Variants in HDAC9 observed in about 807,000 individuals in gnomAD.
HDAC9 encodes the protein MEF-2 interacting transcription repressor (MITR) protein.
In HDAC9, 41 loss-of-function variants were observed where a neutral mutation model predicts 139.4. The observed-to-expected ratio is 0.29, with a 90% CI of 0.23 to 0.38. The LOEUF is 0.38. Among genes scored for constraint, HDAC9 ranks in the 10% least tolerant of loss-of-function variants. The pLI, the probability that HDAC9 is intolerant of heterozygous loss-of-function variation, is 1.00. For missense variants in HDAC9, 1,147 were observed against 1,297.0 expected, an observed-to-expected ratio of 0.88 and a Z score of 1.78; for synonymous variants, 517 against 476.2, an observed-to-expected ratio of 1.09 and a Z score of -1.12.
In HDAC9 at chr7:18,793,471, T is replaced by C. The variant is rs1048990970; in HGVS notation, c.2322+19T>C. ...GCTGAAGGTGAGGTCCGGGTTGCAT[T>C]AAGTGTGGGAAATCCAGAGAAGAAA... On this transcript the variant is annotated intron_variant, in intron 17 of 25. Transcript: ENST00000686413. 12 of 1,440,386 alleles carry C rather than the reference T, an allele frequency of 8.3e-6. No individual in the cohort carries two copies. The highest frequency in any genetic ancestry group is 1.2e-5 in the Non-Finnish European group (12 of 1,042,950). The allele number at this position is 1,440,386 out of a possible 1,614,324, so 89.2% of individuals were successfully genotyped here.
chr7:18,533,954 A>C (rs528665681), intron 2 of HDAC9, among the ~76,000 whole-genome samples: 31 of 152,256 alleles, frequency 2.0e-4, no homozygotes, highest in African/African-American at 6.7e-4. Context: ...TTTTCATCAA[A>C]GTGCACCGTT....
At chr7:18,585,846 G>A (rs915178311) in intron 3 of HDAC9, among the ~76,000 whole-genome samples, 4 of 151,912 alleles carry the variant, frequency 2.6e-5, no homozygotes, top group Non-Finnish European at 4.4e-5. Flanking sequence ...AGAAGCATGA[G>A]CCTAGAAGAC....
chr7:18,262,862 C>T (rs1795768347), intron 2 of HDAC9, among the ~76,000 whole-genome samples: 1 of 151,586 alleles, frequency 6.6e-6, no homozygotes, highest in Non-Finnish European at 1.5e-5. Context: ...AAAATGCATA[C>T]TAATAGAAAT....
intron 14 of HDAC9, among the ~76,000 whole-genome samples, chr7:18,752,259 C>T (rs1465506657): frequency 1.3e-5 from 2 of 151,996 alleles, no homozygotes; most frequent in Non-Finnish European, 2.9e-5. Flanking sequence ...GGTATTTAGG[C>T]TAGTTGAAAG....
chr7:18,934,961 T>C (rs555160858), intron 22 of HDAC9, among the ~76,000 whole-genome samples: 30 of 152,086 alleles, frequency 2.0e-4, no homozygotes, highest in Non-Finnish European at 4.3e-4. Flanking sequence ...AATGGCCTAC[T>C]AGACAGCAAA....
At chr7:18,252,055 C>G (rs1384353607) in intron 2 of HDAC9, among the ~76,000 whole-genome samples, 1 of 152,064 alleles carries the variant, frequency 6.6e-6, no homozygotes, top group Non-Finnish European at 1.5e-5. Flanking sequence ...TGTCAGTAAG[C>G]TAGTCTTGAG....
intron 22 of HDAC9, among the ~76,000 whole-genome samples, chr7:18,932,457 C>G (rs957976827): frequency 2.6e-5 from 4 of 151,962 alleles, no homozygotes; most frequent in Non-Finnish European, 5.9e-5. Flanking sequence ...TGGTTGACTT[C>G]CAAAAGATAG....
At chr7:18,500,196 A>G (rs1798011396) in intron 2 of HDAC9, among the ~76,000 whole-genome samples, 1 of 152,172 alleles carries the variant, frequency 6.6e-6, no homozygotes, top group East Asian at 1.9e-4. Flanking sequence ...AAGAAAATCC[A>G]ATAAAACCCC....
At chr7:18,955,930 G>A (rs766117742) in intron 24 of HDAC9, among the ~76,000 whole-genome samples, 18 of 152,090 alleles carry the variant, frequency 1.2e-4, no homozygotes, top group African/African-American at 3.1e-4. Context: ...ATAAAAAGGC[G>A]TAATTTCTGT....
At chr7:18,720,881 A>G (rs1440784634) in intron 12 of HDAC9, among the ~76,000 whole-genome samples, 1 of 151,910 alleles carries the variant, frequency 6.6e-6, no homozygotes, top group African/African-American at 2.4e-5. Flanking sequence ...GGGTCTCCCT[A>G]TTTTGCCCAG....
At chr7:18,668,497 G>A (rs1562833896) in intron 12 of HDAC9, 2 of 978,722 alleles carry the variant, frequency 2.0e-6, no homozygotes, top group African/African-American at 1.8e-5. Context: ...GCAGACTTTT[G>A]TATAATATTA....
At chr7:18,183,185 A>G (rs542761158) in intron 2 of HDAC9, among the ~76,000 whole-genome samples, 6 of 151,822 alleles carry the variant, frequency 4.0e-5, no homozygotes, top group Non-Finnish European at 7.4e-5. Context: ...AATTTTTTGT[A>G]TTTTTAGTAG....
At chr7:18,140,752 A>G (rs1562666307) in intron 1 of HDAC9, among the ~76,000 whole-genome samples, 1 of 152,124 alleles carries the variant, frequency 6.6e-6, no homozygotes, top group South Asian at 2.1e-4. Flanking sequence ...ATACACATAT[A>G]TAGAATACAT....
intron 2 of HDAC9, among the ~76,000 whole-genome samples, chr7:18,187,608 C>A (rs1489256633): frequency 6.6e-6 from 1 of 152,132 alleles, no homozygotes; most frequent in Non-Finnish European, 1.5e-5. Flanking sequence ...ATTTTTGTTG[C>A]CAACCTTTTG....
chr7:18,727,489 C>G, intron 12 of HDAC9, 91 bp from the exon 13 acceptor site: 1 of 1,063,424 alleles, frequency 9.4e-7, no homozygotes, highest in Non-Finnish European at 1.3e-6. Context: ...TGTCTCTGAC[C>G]TGATGAACTT....
At chr7:18,311,684 A>G (rs1281942056) in intron 1 of HDAC9, among the ~76,000 whole-genome samples, 1 of 152,120 alleles carries the variant, frequency 6.6e-6, no homozygotes, top group Non-Finnish European at 1.5e-5. Flanking sequence ...CAGCTCCTTC[A>G]TATTCTACTA....
intron 14 of HDAC9, among the ~76,000 whole-genome samples, chr7:18,756,415 A>G (rs912345994): frequency 2.6e-5 from 4 of 152,188 alleles, no homozygotes; most frequent in Non-Finnish European, 4.4e-5. Flanking sequence ...TTATTTTTCA[A>G]TTATGATTAA....
At chr7:18,834,350 G>T (rs1481663805) in intron 19 of HDAC9, among the ~76,000 whole-genome samples, 1 of 150,666 alleles carries the variant, frequency 6.6e-6, no homozygotes, top group African/African-American at 2.4e-5. Context: ...TTTTTGGTCA[G>T]AAGATATTAT....
intron 2 of HDAC9, among the ~76,000 whole-genome samples, chr7:18,266,804 A>G (rs1321746902): frequency 1.3e-5 from 2 of 152,288 alleles, no homozygotes; most frequent in African/African-American, 2.4e-5. Flanking sequence ...GAGAAAACAT[A>G]TAACATCTTA....
Sources: gnomAD v4.1 joint callset for allele counts (sites outside exome capture counted in the v4.1 genomes callset) on GRCh38, gnomAD v4.1.1 for gene constraint, MANE v1.5 for transcripts, NCBI Gene and HGNC (gene_info 2026-07-23, HGNC 2026-07-21) for gene names.